The following HARS1 variants were observed in gnomAD, a reference collection of about 807,000 sequenced individuals.
HARS1 encodes the protein histidyl-tRNA synthetase 1, also known as histidine--tRNA ligase, cytoplasmic.
HARS1 carries 45 observed loss-of-function variants against 63.6 expected under a neutral mutation model. That is an observed-to-expected ratio of 0.71 (90% CI 0.56 to 0.91). The LOEUF (loss-of-function observed/expected upper bound fraction) is 0.91. Among genes scored for constraint, HARS1 ranks in the 40% least tolerant of loss-of-function variants. The probability of loss-of-function intolerance (pLI) is 0.00; values close to 1 mark genes in which losing one functional copy is unlikely to be tolerated. For missense variants in HARS1, 508 were observed against 643.2 expected, an observed-to-expected ratio of 0.79 and a Z score of 2.27; for synonymous variants, 205 against 247.1, an observed-to-expected ratio of 0.83 and a Z score of 1.60.
At chr5:140,685,648 G>T (rs143436373) in intron 2 of HARS1, among the ~76,000 whole-genome samples, 3,179 of 151,394 alleles carry the variant, frequency 0.021, 108 homozygotes, top group African/African-American at 0.073. Context: ...TTGAACCCAG[G>T]AGGTGGAGGC....
At chr5:140,678,349 A>C (rs1453615977) in intron 5 of HARS1, 2 of 338,422 alleles carry the variant, frequency 5.9e-6, no homozygotes, top group Non-Finnish European at 1.1e-5. Context: ...GATGTATCAA[A>C]GCTAATTTCC....
chr5:140,691,291 G>T lies in HARS1; in HGVS notation c.14C>A (p.Ala5Glu), dbSNP rs78741041. The change falls in exon 1 of 13, where the codon GCG becomes GAG. Residue 5 changes from alanine (A) to glutamate (E), a missense_variant. This residue lies in a region of HARS1 where 105 missense variants were observed against 94.5 expected (regional missense o/e 1.11). Coordinates refer to ENST00000504156, the MANE Select transcript of HARS1 (RefSeq NM_002109.6). ...AAGTTTCACCAGCTCCTCCAGCGCC[G>T]CACGCTCTGCCATCCCGGCTGTCCA... MAER[A>E]ALEELVKLQG... 7.6e-3 allele frequency: 12,161 copies of T among 1,605,400 alleles called. 54 individuals are homozygous for T. The highest frequency in any genetic ancestry group is 9.0e-3 in the Non-Finnish European group (10,634 of 1,178,434).
chr5:140,674,100 T>A lies in HARS1; in HGVS notation c.*157A>T. The A allele has an allele frequency of 7.2e-6, 5 of 692,108 alleles. No homozygotes were observed. Among genetic ancestry groups the A allele is most frequent in the Admixed American group, 2.1e-5 (1 of 47,858 alleles). The allele number at this position is 692,108 out of a possible 1,614,324, so 42.9% of individuals were successfully genotyped here. On this transcript the variant is annotated 3_prime_UTR_variant, in exon 13 of 13. Coordinates refer to ENST00000504156, the MANE Select transcript of HARS1 (RefSeq NM_002109.6). ...GGCCGTTTTTGCCAGTAATAATCAA[T>A]AAAATAACCATAATAAAAATCAAAG...
At chr5:140,680,750 G>T (rs951401669) in intron 3 of HARS1, among the ~76,000 whole-genome samples, 1 of 151,704 alleles carries the variant, frequency 6.6e-6, no homozygotes, top group African/African-American at 2.4e-5. Flanking sequence ...TTAGGCAGGA[G>T]AATCGCTTGA....
intron 3 of HARS1, among the ~76,000 whole-genome samples, 169 bp from the exon 4 acceptor site, chr5:140,680,052 G>GT (rs1225939151): frequency 2.0e-5 from 3 of 151,584 alleles, no homozygotes; most frequent in African/African-American, 4.9e-5. Flanking sequence ...CCAATTTTGT[G>GT]TTTTTTTCTA....
rs1175591596 is a variant in HARS1, at chr5:140,678,996, ACT to A, written c.522+4_522+5del. On this transcript the variant is annotated splice_donor_5th_base_variant and intron_variant, in intron 5 of 12. Transcript: ENST00000504156. The stretch of plus-strand genomic sequence containing the variant: ...TCATCCTGCCCCACGGTTTCCCAAC[ACT>A]CACACACTGGTAGAATTCCCGGTAT... The A allele has an allele frequency of 1.2e-6, 2 of 1,613,136 alleles. No homozygotes were observed.
intron 2 of HARS1, chr5:140,684,865 CTG>C (rs1758927614): frequency 6.6e-6 from 1 of 152,068 alleles, no homozygotes; most frequent in Non-Finnish European, 1.5e-5. Flanking sequence ...AAAAAGGTAA[CTG>C]TTTTCCAAAA....
At chr5:140,674,866 T>A in intron 11 of HARS1, 41 bp from the exon 12 acceptor site, 1 of 1,612,236 alleles carries the variant, frequency 6.2e-7, no homozygotes, top group East Asian at 2.2e-5. Flanking sequence ...TGGCTTCTGC[T>A]GTCCTCAGGG....
intron 3 of HARS1, among the ~76,000 whole-genome samples, chr5:140,680,408 G>C (rs1380370924): frequency 1.3e-5 from 2 of 151,970 alleles, no homozygotes; most frequent in Non-Finnish European, 2.9e-5. Context: ...GCCTCCCAAA[G>C]TACTGGGATT....
intron 6 of HARS1, 23 bp downstream of exon 6, chr5:140,677,885 C>G (rs969998390): frequency 1.3e-6 from 2 of 1,544,190 alleles, no homozygotes; most frequent in African/African-American, 2.7e-5. Context: ...CAACTTTGCC[C>G]TCCCAGCCTT....
chr5:140,678,036 A>G (rs1200628492), intron 5 of HARS1, 21 bp from the exon 6 acceptor site: 2 of 1,351,058 alleles, frequency 1.5e-6, no homozygotes, highest in Admixed American at 1.7e-5. Context: ...AGGGTTAGCC[A>G]GCGGTCTTCA....
chr5:140,688,743 G>T (rs1759200257), intron 2 of HARS1, among the ~76,000 whole-genome samples: 1 of 151,608 alleles, frequency 6.6e-6, no homozygotes, highest in African/African-American at 2.4e-5. Context: ...GAGGAAATTG[G>T]GCCATTTGTC....
chr5:140,675,635 A>C (rs1159134622), intron 10 of HARS1: 2 of 152,052 alleles, frequency 1.3e-5, no homozygotes, highest in Non-Finnish European at 2.9e-5. Flanking sequence ...GTAGTACCTT[A>C]AGGGTCCACC....
intron 10 of HARS1, chr5:140,675,399 A>G: frequency 3.1e-6 from 1 of 319,636 alleles, no homozygotes; most frequent in East Asian, 6.2e-5. Flanking sequence ...GCTTATCTCC[A>G]TGTAGTACCT....
intron 3 of HARS1, among the ~76,000 whole-genome samples, chr5:140,681,391 G>A (rs1179393728): frequency 6.6e-6 from 1 of 152,046 alleles, no homozygotes; most frequent in African/African-American, 2.4e-5. Context: ...GAGGCTGGGC[G>A]CGGTGGCTCA....
chr5:140,680,907 T>TTA (rs550869146), intron 3 of HARS1, among the ~76,000 whole-genome samples: 43 of 150,470 alleles, frequency 2.9e-4, no homozygotes, highest in African/African-American at 1.5e-4. Context: ...TTTTTTTTTT[T>TTA]AAAAAAAAGT....
Position 140,678,860 on chromosome 5 carries a change from A to C in HARS1, c.522+142T>G, listed in dbSNP as rs1407652528. On this transcript the variant is annotated intron_variant, in intron 5 of 12. Transcript: ENST00000504156. ...CTCCGTCTCAAAAAAACAAAAAACAAACAAAAAAACCACCATAGAAACCCT... is the reference window on the plus strand; with the variant it reads ...CTCCGTCTCAAAAAAACAAAAAACACACAAAAAAACCACCATAGAAACCCT... The C allele has an allele frequency of 4.5e-6, 4 of 882,058 alleles. No homozygotes were observed. The East Asian group carries it at 1.1e-4, about 25-fold the overall frequency. 54.6% of individuals were successfully genotyped at this position (882,058 alleles called of 1,614,324 possible). A position where few individuals can be genotyped will look rare whatever the true frequency, so the allele number is the denominator to read the frequency against.
At chr5:140,680,585 T>G (rs549543499) in intron 3 of HARS1, among the ~76,000 whole-genome samples, 33 of 152,306 alleles carry the variant, frequency 2.2e-4, no homozygotes, top group Admixed American at 1.3e-3. Flanking sequence ...GGCTCACGCC[T>G]GTAATCCCAG....
rs1235317214 is a variant in HARS1 at position 140,679,206 on chromosome 5, T to C, written c.397-79A>G. ...TTATCATCACCAACAGAAGCTGGGG[T>C]CTAACCCCTCCCTATGTGGGTAAAA... On this transcript the variant is annotated intron_variant, in intron 4 of 12. Transcript: ENST00000504156. The surrounding 1 kb of genome is among the most constrained non-coding windows in gnomAD (Gnocchi z 4.3). The C allele has an allele frequency of 2.8e-6, 4 of 1,433,582 alleles. No homozygotes were observed. The highest frequency in any genetic ancestry group is 3.9e-6 in the Non-Finnish European group (4 of 1,027,502). 88.8% of individuals were successfully genotyped at this position (1,433,582 alleles called of 1,614,324 possible). A position where few individuals can be genotyped will look rare whatever the true frequency, so the allele number is the denominator to read the frequency against.
Sources: gnomAD v4.1 joint callset for allele counts (sites outside exome capture counted in the v4.1 genomes callset) on GRCh38, gnomAD v4.1.1 for gene constraint, gnomAD v4.1.1 regional missense constraint, Gnocchi (gnomAD v3.1) non-coding constraint, MANE v1.5 for transcripts, NCBI Gene and HGNC (gene_info 2026-07-23, HGNC 2026-07-21) for gene names.